The following IPO11 variants were observed in gnomAD, a reference collection of about 807,000 sequenced individuals.
IPO11 encodes importin-11.
A neutral mutation model predicts 143.2 loss-of-function variants in IPO11; 66 were observed. The observed-to-expected ratio is 0.46, with a 90% CI of 0.38 to 0.57. The LOEUF (loss-of-function observed/expected upper bound fraction) is 0.57. Ranked by LOEUF, IPO11 falls within the 20% of genes least tolerant of loss-of-function variation. The pLI is 0.00. For missense variants in IPO11, 1,026 were observed against 1,141.0 expected, an observed-to-expected ratio of 0.90 and a Z score of 1.45; for synonymous variants, 385 against 377.8, an observed-to-expected ratio of 1.02 and a Z score of -0.22.
intron 27 of IPO11, among the ~76,000 whole-genome samples, chr5:62,576,705 A>G (rs1195522237): frequency 6.6e-6 from 1 of 152,168 alleles, no homozygotes; most frequent in African/African-American, 2.4e-5. Flanking sequence ...ATCACTTGAG[A>G]CTGGGAGGTC....
chr5:62,467,269 A>G lies in IPO11; in HGVS notation c.649+6A>G, dbSNP rs759660821. Reference sequence around the variant, plus strand: ...AACACTGCTATCATTGAAAGGTACTATTAAGCTTGATATGTTCATTTTTGA... The same window carrying G: ...AACACTGCTATCATTGAAAGGTACTGTTAAGCTTGATATGTTCATTTTTGA... On this transcript the variant is annotated splice_donor_region_variant and intron_variant, in intron 6 of 29. Transcript: ENST00000325324. 11 of 1,609,246 alleles carry G rather than the reference A, an allele frequency of 6.8e-6. No individual in the cohort carries two copies. Among genetic ancestry groups the G allele is most frequent in the African/African-American group, 1.3e-5 (1 of 74,708 alleles).
intron 26 of IPO11, 107 bp from the exon 27 acceptor site, chr5:62,561,029 A>G (rs1370694737): frequency 9.1e-6 from 9 of 988,262 alleles, no homozygotes; most frequent in African/African-American, 1.6e-5. Context: ...GTGGTTTACT[A>G]TAATTGAATT....
intron 21 of IPO11, among the ~76,000 whole-genome samples, chr5:62,527,876 G>C (rs1213336846): frequency 6.6e-6 from 1 of 152,256 alleles, no homozygotes; most frequent in Middle Eastern, 3.4e-3. Flanking sequence ...GCAAACATAG[G>C]TGCCAATCCC....
intron 6 of IPO11, 86 bp downstream of exon 6, chr5:62,467,349 C>A: frequency 7.4e-7 from 1 of 1,350,312 alleles, no homozygotes; most frequent in Non-Finnish European, 1.0e-6. Context: ...GTTTTCTGTT[C>A]CCAGTTTCAC....
intron 20 of IPO11, among the ~76,000 whole-genome samples, chr5:62,516,609 A>G (rs1379992555): frequency 6.6e-6 from 1 of 152,078 alleles, no homozygotes; most frequent in Non-Finnish European, 1.5e-5. Flanking sequence ...GTAAATGGTT[A>G]TGGATGACTT....
chr5:62,414,223 C>T (rs569753590), intron 1 of IPO11, among the ~76,000 whole-genome samples: 3 of 152,244 alleles, frequency 2.0e-5, no homozygotes, highest in African/African-American at 7.2e-5. Flanking sequence ...AATATATTTG[C>T]ATTTGGAATC....
At chr5:62,425,391 C>T (rs1373849187) in intron 1 of IPO11, among the ~76,000 whole-genome samples, 2 of 152,142 alleles carry the variant, frequency 1.3e-5, no homozygotes, top group African/African-American at 2.4e-5. Context: ...AATCTCGGCT[C>T]ACTGCAACCT....
chr5:62,582,084 A>C (rs1197732476), intron 27 of IPO11, among the ~76,000 whole-genome samples: 1 of 152,204 alleles, frequency 6.6e-6, no homozygotes, highest in Non-Finnish European at 1.5e-5. Context: ...AAAGCTTTAT[A>C]GTTACATGCT....
chr5:62,492,816 T>G (rs1740965494), intron 15 of IPO11, among the ~76,000 whole-genome samples: 1 of 152,108 alleles, frequency 6.6e-6, no homozygotes, highest in Non-Finnish European at 1.5e-5. Flanking sequence ...GGATTACAGG[T>G]GTAAGCCACT....
chr5:62,499,083 G>C (rs922851608), intron 16 of IPO11, among the ~76,000 whole-genome samples: 1 of 152,172 alleles, frequency 6.6e-6, no homozygotes, highest in African/African-American at 2.4e-5. Flanking sequence ...TCATGGGCAC[G>C]TTGACTACCA....
intron 27 of IPO11, chr5:62,579,507 A>G: frequency 1.3e-6 from 2 of 1,550,874 alleles, no homozygotes; most frequent in Non-Finnish European, 1.7e-6. Flanking sequence ...ATCTTTTATT[A>G]TTACTCCACA....
At chr5:62,494,507 T>G (rs1346327354) in intron 16 of IPO11, among the ~76,000 whole-genome samples, 1 of 152,138 alleles carries the variant, frequency 6.6e-6, no homozygotes, top group African/African-American at 2.4e-5. Context: ...TGAGAATTTT[T>G]TTTAAGCCTT....
intron 9 of IPO11, among the ~76,000 whole-genome samples, chr5:62,479,610 AC>A (rs2112216260): frequency 6.6e-6 from 1 of 152,278 alleles, no homozygotes; most frequent in Admixed American, 6.5e-5. Flanking sequence ...TTGTTTCCTG[AC>A]TTTTTAATGG....
In IPO11 at chr5:62,624,980, C is replaced by CAA. The variant is rs141431600; in HGVS notation, c.2764-2155_2764-2154dup. Reference sequence around the variant, plus strand: ...AGCCTGAGCGACAGAGCGAGAGACTCAAAAAAAAAAAAAAAAAAAAGATGG... The same window carrying CAA: ...AGCCTGAGCGACAGAGCGAGAGACTCAAAAAAAAAAAAAAAAAAAAAAGATGG... On this transcript the variant is annotated intron_variant, in intron 29 of 29. Coordinates refer to ENST00000325324, the MANE Select transcript of IPO11 (RefSeq NM_016338.5). Among the ~76,000 whole-genome samples, 309 of 89,672 alleles carry CAA rather than the reference C, an allele frequency of 3.4e-3. 7 individuals are homozygous for CAA. Among genetic ancestry groups the CAA allele is most frequent in the African/African-American group, 0.011 (248 of 22,746 alleles). 58.8% of individuals were successfully genotyped at this position (89,672 alleles called of 152,430 possible).
At chr5:62,596,619 T>C (rs1395167944) in intron 28 of IPO11, among the ~76,000 whole-genome samples, 1 of 152,186 alleles carries the variant, frequency 6.6e-6, no homozygotes, top group Non-Finnish European at 1.5e-5. Context: ...ACTCAATACA[T>C]TGACCCACTG....
chr5:62,521,514 C>A (rs527414914), intron 20 of IPO11, among the ~76,000 whole-genome samples: 1 of 152,180 alleles, frequency 6.6e-6, no homozygotes, highest in African/African-American at 2.4e-5. Flanking sequence ...TCTCTGTGTT[C>A]CTGTTTTCAG....
Position 62,535,940 on chromosome 5 carries a change from T to G in IPO11, c.2090-762T>G, listed in dbSNP as rs60740038. ...ACGTACAGCCTGTATTCCTTTGTAT[T>G]ATTATTTTAAGTAGTGAAACATGTA... On this transcript the variant is annotated intron_variant, in intron 22 of 29. Transcript: ENST00000325324. Among the ~76,000 whole-genome samples, 672 of 152,316 alleles carry G rather than the reference T, an allele frequency of 4.4e-3. 7 individuals are homozygous for G. Among genetic ancestry groups the G allele is most frequent in the African/African-American group, 0.016 (648 of 41,574 alleles).
chr5:62,492,748 G>C (rs1265695035), intron 15 of IPO11, among the ~76,000 whole-genome samples: 3 of 152,002 alleles, frequency 2.0e-5, no homozygotes, highest in African/African-American at 7.3e-5. Context: ...ATATTGGCCA[G>C]GCTGGTCTCA....
intron 27 of IPO11, among the ~76,000 whole-genome samples, chr5:62,565,477 C>T (rs1260462578): frequency 6.6e-6 from 1 of 152,148 alleles, no homozygotes; most frequent in Non-Finnish European, 1.5e-5. Context: ...CAGAGTGAGA[C>T]TCTGTCTCAA....
Sources: gnomAD v4.1 joint callset for allele counts (sites outside exome capture counted in the v4.1 genomes callset) on GRCh38, gnomAD v4.1.1 for gene constraint, MANE v1.5 for transcripts, NCBI Gene and HGNC (gene_info 2026-07-23, HGNC 2026-07-21) for gene names.